The following NR3C1 variants were observed in gnomAD, a reference collection of about 807,000 sequenced individuals.
NR3C1 encodes nuclear receptor subfamily 3 group C member 1, also known as glucocorticoid receptor.
Under a neutral mutation model 74.0 loss-of-function variants are expected in NR3C1, and 14 were observed. That is an observed-to-expected ratio of 0.19 (90% CI 0.12 to 0.30). The LOEUF (loss-of-function observed/expected upper bound fraction) is 0.30. NR3C1 is among the 10% of genes least tolerant of loss of function. NR3C1 has a pLI of 1.00. For missense variants in NR3C1, 695 were observed against 909.8 expected (o/e 0.76, Z 3.04); for synonymous variants, 308 against 332.5 (o/e 0.93, Z 0.80).
intron 2 of NR3C1, among the ~76,000 whole-genome samples, chr5:143,350,255 G>A (rs1198829968): frequency 6.6e-6 from 1 of 152,146 alleles, no homozygotes; most frequent in Non-Finnish European, 1.5e-5. Flanking sequence ...TGACAAGGGA[G>A]CCAGTCAAGA....
intron 3 of NR3C1, among the ~76,000 whole-genome samples, chr5:143,312,765 A>C (rs1821242878): frequency 6.6e-6 from 1 of 152,162 alleles, no homozygotes; most frequent in African/African-American, 2.4e-5. Context: ...CACTGCATTT[A>C]TATCGTGGAA....
At chr5:143,339,305 C>T (rs1340976378) in intron 2 of NR3C1, among the ~76,000 whole-genome samples, 5 of 152,164 alleles carry the variant, frequency 3.3e-5, no homozygotes, top group African/African-American at 1.2e-4. Context: ...TCCCCTACTC[C>T]AGTCTTTGAT....
chr5:143,382,506 C>T (rs1836437569), intron 2 of NR3C1, among the ~76,000 whole-genome samples: 1 of 152,156 alleles, frequency 6.6e-6, no homozygotes, highest in African/African-American at 2.4e-5. Flanking sequence ...AAAATAACTT[C>T]AGGAGTGCTT....
chr5:143,354,647 T>C (rs1278360547), intron 2 of NR3C1, among the ~76,000 whole-genome samples: 1 of 152,006 alleles, frequency 6.6e-6, no homozygotes, highest in African/African-American at 2.4e-5. Context: ...ATTAAAATAG[T>C]AACATCAGGC....
At chr5:143,333,348 G>A in intron 2 of NR3C1, 2 of 651,406 alleles carry the variant, frequency 3.1e-6, no homozygotes, top group Non-Finnish European at 5.4e-6. Flanking sequence ...GAGTAACCTT[G>A]AGATTGGGAG....
rs9324915 is a variant in NR3C1 at position 143,326,034 on chromosome 5, C to A, written c.1185-11866G>T. Among the ~76,000 whole-genome samples, 824 of 152,280 alleles carry A rather than the reference C, an allele frequency of 5.4e-3. 5 individuals carry two copies. Among genetic ancestry groups the A allele is most frequent in the East Asian group, 0.022 (115 of 5,182 alleles). The stretch of plus-strand genomic sequence containing the variant: ...GTAATTCTGTGTGTCAAGCTGCATG[C>A]CTAGGTACAGTACACAAATAAATTA... On this transcript the variant is annotated intron_variant, in intron 2 of 8. Coordinates refer to ENST00000394464, the MANE Select transcript of NR3C1 (RefSeq NM_000176.3).
chr5:143,312,770 G>A (rs10482673), intron 3 of NR3C1, among the ~76,000 whole-genome samples: 309 of 152,182 alleles, frequency 2.0e-3, no homozygotes, highest in African/African-American at 7.1e-3. Flanking sequence ...CATTTATATC[G>A]TGGAAATACT....
At chr5:143,307,188 G>T (rs558471697) in intron 4 of NR3C1, among the ~76,000 whole-genome samples, 1 of 152,032 alleles carries the variant, frequency 6.6e-6, no homozygotes, top group African/African-American at 2.4e-5. Context: ...GAGCCACCGC[G>T]CCCAACCGTA....
At chr5:143,388,956 A>G (rs550302297) in intron 2 of NR3C1, among the ~76,000 whole-genome samples, 2 of 152,246 alleles carry the variant, frequency 1.3e-5, no homozygotes, top group East Asian at 3.9e-4. Flanking sequence ...ATTCCTATGT[A>G]CTCAGTCCTC....
At chr5:143,374,655 A>G (rs537767202) in intron 2 of NR3C1, among the ~76,000 whole-genome samples, 1 of 152,200 alleles carries the variant, frequency 6.6e-6, no homozygotes, top group South Asian at 2.1e-4. Context: ...CTATTTTATG[A>G]GCCCAAATGA....
chr5:143,387,061 G>A (rs1837359937), intron 2 of NR3C1, among the ~76,000 whole-genome samples: 1 of 152,210 alleles, frequency 6.6e-6, no homozygotes, highest in African/African-American at 2.4e-5. Flanking sequence ...GAGAAAACTA[G>A]AGAAACAATT....
chr5:143,301,085 AT>A (rs1044548616), intron 4 of NR3C1, among the ~76,000 whole-genome samples: 6 of 152,160 alleles, frequency 3.9e-5, no homozygotes, highest in Admixed American at 2.6e-4. Flanking sequence ...TCTATAAATT[AT>A]TTTTTTATCT....
At chr5:143,389,481 T>C (rs1351549263) in intron 2 of NR3C1, among the ~76,000 whole-genome samples, 6 of 152,184 alleles carry the variant, frequency 3.9e-5, no homozygotes, top group Admixed American at 1.3e-4. Context: ...GGCACCAGAA[T>C]TGAAGTTTAG....
intron 2 of NR3C1, among the ~76,000 whole-genome samples, chr5:143,323,366 G>A (rs569103495): frequency 2.0e-5 from 3 of 152,250 alleles, no homozygotes; most frequent in Admixed American, 2.0e-4. Flanking sequence ...TGAGGAAGAG[G>A]CAAAAGTTTT....
chr5:143,416,056 G>T (rs1247406140), intron 1 of NR3C1, among the ~76,000 whole-genome samples: 1 of 152,102 alleles, frequency 6.6e-6, no homozygotes, highest in Non-Finnish European at 1.5e-5. Context: ...AACTGGGAAG[G>T]GATTATTCAG....
chr5:143,300,804 G>A lies in NR3C1; in HGVS notation c.1469-41C>T, dbSNP rs764890132. Reference sequence around the variant, plus strand: ...CAAATACATAGAAATGAACTGTAATGGGAAGGTCTGCGCTACACAGTTTAT... The same window carrying A: ...CAAATACATAGAAATGAACTGTAATAGGAAGGTCTGCGCTACACAGTTTAT... On this transcript the variant is annotated intron_variant, in intron 4 of 8. Transcript: ENST00000394464. This position sits in a 1 kb window ranked among gnomAD's most constrained non-coding sequence, Gnocchi z 5.2. 2 of 1,570,674 alleles carry A rather than the reference G, an allele frequency of 1.3e-6. No individual in the cohort carries two copies. The highest frequency in any genetic ancestry group is 2.2e-5 in the South Asian group (2 of 89,654).
Position 143,403,280 on chromosome 5 carries a change from T to A in NR3C1, c.-83A>T. On this transcript the variant is annotated 5_prime_UTR_variant, in exon 1 of 9. The change creates a new upstream start codon in the 5' untranslated region. Transcript: ENST00000394464. ...CCGCAGCCGAGATAAACAACTTAGC[T>A]TGTGAACGCAGAAGGAGCAGGAGGG... 1.0e-6 allele frequency: 1 copy of A among 985,450 alleles called. No individual in the cohort carries two copies. The allele number at this position is 985,450 out of a possible 1,614,324, so 61.0% of individuals were successfully genotyped here.
At chr5:143,314,201 A>C (rs750483988) in intron 2 of NR3C1, 33 bp from the exon 3 acceptor site, 1 of 1,606,144 alleles carries the variant, frequency 6.2e-7, no homozygotes, top group South Asian at 1.1e-5. Flanking sequence ...TTATGATTTA[A>C]CTGTCAAAGG....
At chr5:143,354,624 G>A (rs954332455) in intron 2 of NR3C1, among the ~76,000 whole-genome samples, 1 of 152,010 alleles carries the variant, frequency 6.6e-6, no homozygotes. Flanking sequence ...GAGGTTTATG[G>A]TGCCTGAAAA....
Sources: allele counts gnomAD v4.1 joint callset (sites outside exome capture counted in the v4.1 genomes callset), GRCh38; gene constraint gnomAD v4.1.1; non-coding constraint Gnocchi (gnomAD v3.1); transcripts MANE v1.5; gene names NCBI Gene and HGNC (gene_info 2026-07-23, HGNC 2026-07-21).